The following MAGI2 variants were observed in gnomAD, a reference collection of about 807,000 sequenced individuals.
The protein encoded by MAGI2 is membrane-associated guanylate kinase, WW and PDZ domain-containing protein 2.
Under a neutral mutation model 133.3 loss-of-function variants are expected in MAGI2, and 35 were observed. The observed-to-expected ratio is 0.26, with a 90% CI of 0.20 to 0.35. MAGI2 has a LOEUF of 0.35. Ranked by LOEUF, MAGI2 falls within the 10% of genes least tolerant of loss-of-function variation. The pLI is 1.00. For synonymous variants in MAGI2, 729 were observed against 710.6 expected (o/e 1.03, Z -0.41); for missense variants, 1,636 against 1,863.4 (o/e 0.88, Z 2.25).
At chr7:78,431,634 C>T (rs17150727) in intron 6 of MAGI2, among the ~76,000 whole-genome samples, 7,033 of 152,032 alleles carry the variant, frequency 0.046, 251 homozygotes, top group African/African-American at 0.097. Context: ...AAAGTTGATC[C>T]CAGAATCTAT....
intron 6 of MAGI2, among the ~76,000 whole-genome samples, chr7:78,406,717 C>T (rs1480459454): frequency 2.0e-5 from 3 of 151,994 alleles, no homozygotes; most frequent in African/African-American, 7.2e-5. Flanking sequence ...ATTATTCTCT[C>T]AGGAGAGCCA....
intron 2 of MAGI2, among the ~76,000 whole-genome samples, chr7:78,808,606 A>G (rs1788783308): frequency 6.6e-6 from 1 of 152,226 alleles, no homozygotes. Context: ...ACGGAAAGAT[A>G]AGCAAAAACA....
chr7:78,719,483 G>A (rs1375292615), intron 2 of MAGI2, among the ~76,000 whole-genome samples: 2 of 152,212 alleles, frequency 1.3e-5, no homozygotes, highest in African/African-American at 4.8e-5. Context: ...TCATCAGTAT[G>A]TCTACTGAAA....
At position 79,157,972 on chromosome 7, in the gene MAGI2, G is replaced by GTGTGTGTGTGTGTC. The variant is rs1384745090; in HGVS notation, c.302-150767_302-150766insGACACACACACACA. Among the ~76,000 whole-genome samples, 185 of 145,950 alleles carry GTGTGTGTGTGTGTC rather than the reference G, an allele frequency of 1.3e-3. 1 individual carries two copies. Among genetic ancestry groups the GTGTGTGTGTGTGTC allele is most frequent in the East Asian group, 2.7e-3 (13 of 4,862 alleles). On this transcript the variant is annotated intron_variant, in intron 1 of 21. Transcript: ENST00000354212. The stretch of plus-strand genomic sequence containing the variant: ...TGTGTGTGTGTGTGTGTGTGTGTGT[G>GTGTGTGTGTGTGTC]TGTGTATTTAAAAGACCTTTATAAA...
At chr7:78,117,005 A>G (rs1044119103) in intron 20 of MAGI2, among the ~76,000 whole-genome samples, 2 of 151,672 alleles carry the variant, frequency 1.3e-5, no homozygotes, top group East Asian at 3.9e-4. Context: ...ATCTGAAGAT[A>G]ATTATTTAGA....
At chr7:78,060,884 T>C (rs28721323) in intron 21 of MAGI2, among the ~76,000 whole-genome samples, 68,172 of 151,930 alleles carry the variant, frequency 0.45, 15,289 homozygotes, top group East Asian at 0.52. Flanking sequence ...TAAAGGTTTT[T>C]GTTGGGTGCA....
chr7:78,610,638 A>G (rs1266580550), intron 3 of MAGI2, among the ~76,000 whole-genome samples: 2 of 152,220 alleles, frequency 1.3e-5, no homozygotes, highest in Admixed American at 1.3e-4. Context: ...TCAATCCGTA[A>G]TATGAATTTT....
chr7:78,527,865 C>T (rs149095534), intron 3 of MAGI2, among the ~76,000 whole-genome samples: 363 of 152,294 alleles, frequency 2.4e-3, no homozygotes, highest in African/African-American at 8.3e-3. Flanking sequence ...TATCAAATAA[C>T]GATAGATCCT....
chr7:78,414,876 A>C (rs1168913698), intron 6 of MAGI2, among the ~76,000 whole-genome samples: 1 of 152,122 alleles, frequency 6.6e-6, no homozygotes, highest in Non-Finnish European at 1.5e-5. Context: ...AAATACTAGG[A>C]GTTGGTAAAA....
chr7:78,853,041 C>A (rs952252132), intron 2 of MAGI2, among the ~76,000 whole-genome samples: 2 of 151,994 alleles, frequency 1.3e-5, no homozygotes, highest in Non-Finnish European at 2.9e-5. Context: ...ATTTGGAGAG[C>A]TTTTCATGAG....
chr7:79,418,862 C>T (rs1321619343), intron 1 of MAGI2, among the ~76,000 whole-genome samples: 2 of 129,542 alleles, frequency 1.5e-5, no homozygotes, highest in Non-Finnish European at 1.5e-5. Context: ...CACACACACA[C>T]ACACACGCAC....
chr7:78,684,357 G>A (rs321969), intron 2 of MAGI2, among the ~76,000 whole-genome samples: 112,593 of 151,966 alleles, frequency 0.74, 41,926 homozygotes, highest in East Asian at 0.96. Flanking sequence ...TGATCCCCCA[G>A]TTAACACTCA....
chr7:78,409,911 T>C (rs1400128672), intron 6 of MAGI2, among the ~76,000 whole-genome samples: 1 of 152,056 alleles, frequency 6.6e-6, no homozygotes. Context: ...AGGAAAATAA[T>C]GTAAAATGTT....
intron 1 of MAGI2, among the ~76,000 whole-genome samples, chr7:79,286,450 A>T (rs1000333390): frequency 6.6e-6 from 1 of 152,048 alleles, no homozygotes; most frequent in Non-Finnish European, 1.5e-5. Context: ...ACTCCACGGC[A>T]CTTGCTCTCT....
chr7:78,258,637 AAAT>A (rs935847461), intron 9 of MAGI2, among the ~76,000 whole-genome samples: 4 of 152,150 alleles, frequency 2.6e-5, no homozygotes, highest in South Asian at 4.1e-4. Flanking sequence ...TCTAATCTCT[AAAT>A]AATAATAATC....
chr7:79,327,607 AAG>A (rs1212107428), intron 1 of MAGI2, among the ~76,000 whole-genome samples: 3 of 152,136 alleles, frequency 2.0e-5, no homozygotes, highest in Admixed American at 6.5e-5. Flanking sequence ...GTTGCAGTCA[AAG>A]AGTTTTTTCA....
intron 2 of MAGI2, among the ~76,000 whole-genome samples, chr7:78,800,885 A>C (rs934276881): frequency 3.2e-4 from 48 of 152,122 alleles, no homozygotes; most frequent in African/African-American, 9.9e-4. Context: ...AATTGAACTT[A>C]CCTGACCATG....
At chr7:78,127,113 C>A in intron 19 of MAGI2, 84 bp downstream of exon 19, 2 of 1,135,256 alleles carry the variant, frequency 1.8e-6, no homozygotes, top group Non-Finnish European at 2.5e-6. Context: ...GACAGGTACT[C>A]TTTCCTCTGC....
chr7:78,397,365 C>CCA (rs1583883235), intron 6 of MAGI2, among the ~76,000 whole-genome samples: 1 of 53,286 alleles, frequency 1.9e-5, no homozygotes, highest in African/African-American at 8.9e-5. Context: ...TTTGAAATTC[C>CCA]TACACACACA....
Sources: gnomAD v4.1 joint callset for allele counts (sites outside exome capture counted in the v4.1 genomes callset) on GRCh38, gnomAD v4.1.1 for gene constraint, MANE v1.5 for transcripts, NCBI Gene and HGNC (gene_info 2026-07-23, HGNC 2026-07-21) for gene names.